Variants in PNPLA2 observed in about 807,000 individuals in gnomAD.
PNPLA2 encodes patatin-like phospholipase domain-containing protein 2.
PNPLA2 carries 28 observed loss-of-function variants against 39.7 expected under a neutral mutation model. The observed-to-expected ratio is 0.70, with a 90% confidence interval of 0.52 to 0.97. The LOEUF (loss-of-function observed/expected upper bound fraction) is 0.97. PNPLA2 is among the 50% of genes least tolerant of loss of function. The pLI, the probability that PNPLA2 is intolerant of heterozygous loss-of-function variation, is 0.00. For synonymous variants in PNPLA2, 392 were observed against 321.1 expected (o/e 1.22, Z -2.36); for missense variants, 768 against 698.2 (o/e 1.10, Z -1.13).
chr11:822,268 A>T, intron 4 of PNPLA2, 129 bp from the exon 5 acceptor site: 1 of 894,760 alleles, frequency 1.1e-6, no homozygotes, highest in Non-Finnish European at 1.8e-6. Flanking sequence ...GCCAGTGCCC[A>T]GTGGGTAAAA....
In PNPLA2 at chr11:824,803, C is replaced by T. The variant is rs1554977196; in HGVS notation, c.1456C>T (p.Pro486Ser). Residue 486 changes from proline to serine, a missense_variant, in exon 10 of 10, where the codon CCC becomes TCC. By Grantham distance (74) the Pro-to-Ser change is moderately conservative. Coordinates refer to ENST00000336615, the MANE Select transcript of PNPLA2 (RefSeq NM_020376.4). The part of the protein sequence containing the change: ...SPQHQLAGPA[P>S]LLSTPAPEAR... ...GCAGCACCAGCTGGCCGGGCCTGCC[C>T]CCTTGCTGAGCACCCCTGCTCCCGA... is the stretch of plus-strand genomic sequence containing the variant. 6.5e-7 allele frequency: 1 copy of T among 1,534,538 alleles called. No individual in the cohort carries two copies. Among genetic ancestry groups the T allele is most frequent in the Non-Finnish European group, 8.7e-7 (1 of 1,146,064 alleles).
rs1845853384 is a variant in PNPLA2, at chr11:825,278, CA to C, written c.*417del. 3.3e-6 allele frequency: 1 copy of C among 299,778 alleles called. No homozygotes were observed. The highest frequency in any genetic ancestry group is 2.3e-5 in the African/African-American group (1 of 42,970). The allele number at this position is 299,778 out of a possible 1,614,324, so 18.6% of individuals were successfully genotyped here. A position where few individuals can be genotyped will look rare whatever the true frequency, so the allele number is the denominator to read the frequency against. ...TTACTTGCAGTGAGAGCCTGGTGGC[CA>C]GGGTCTGGCCCTACCTTGGCTGACC... On this transcript the variant is annotated 3_prime_UTR_variant, in exon 10 of 10. Coordinates refer to ENST00000336615, the MANE Select transcript of PNPLA2 (RefSeq NM_020376.4).
At chr11:819,552 C>G (rs919524231) in intron 1 of PNPLA2, 22 bp from the exon 2 acceptor site, 1 of 1,290,988 alleles carries the variant, frequency 7.7e-7, no homozygotes, top group Non-Finnish European at 9.8e-7. Flanking sequence ...TTAAAAGCGC[C>G]GCCTCCGCGC....
chr11:823,728 G>GC lies in PNPLA2; in HGVS notation c.798dup (p.Ala267ArgfsTer40), dbSNP rs1343828094. On this transcript the variant is annotated frameshift_variant, in exon 7 of 10. Coordinates refer to ENST00000336615, the MANE Select transcript of PNPLA2 (RefSeq NM_020376.4). LOFTEE classifies it high-confidence loss of function. ...ACCGGCCCAACCCCTTGCTGGCGTT[G>GC]CCCCCCGCCCGCCCCCACGGCCCAG... The GC allele has an allele frequency of 8.1e-6, 13 of 1,597,090 alleles. No individual in the cohort carries two copies. Among genetic ancestry groups the GC allele is most frequent in the Admixed American group, 1.7e-5 (1 of 59,470 alleles).
chr11:820,772 A>G (rs1845641347), intron 2 of PNPLA2: 9 of 152,180 alleles, frequency 5.9e-5, no homozygotes, highest in Admixed American at 5.2e-4. Context: ...CCCAATAACT[A>G]GAGCTATTAT....
Position 822,005 on chromosome 11 carries a change from T to G in PNPLA2, c.468T>G (p.Pro156=). ...GFIPVYCGLI[P]PSLQGVRYVD... ...TCCCCGTGTACTGTGGGCTCATCCC[T>G]CCCTCCCTCCAGGGGGTGGTGAGTA... is the stretch of plus-strand genomic sequence containing the variant. Residue 156 remains proline (P), a synonymous_variant, in exon 4 of 10, where the codon CCT becomes CCG. Coordinates refer to ENST00000336615, the MANE Select transcript of PNPLA2 (RefSeq NM_020376.4). 6.2e-7 allele frequency: 1 copy of G among 1,613,686 alleles called. No individual in the cohort carries two copies. Among genetic ancestry groups the G allele is most frequent in the Middle Eastern group, 1.6e-4 (1 of 6,062 alleles).
chr11:824,314 C>T lies in PNPLA2; in HGVS notation c.1053C>T (p.Arg351=). ...PLESALSFTI[R]LLEWLPDVPE... is the part of the protein sequence containing the mutation. ...AACGCGCCGCTCGCCCTGTCCCCAG[C>T]TTGCTGGAGTGGCTGCCCGACGTTC... Residue 351 remains arginine, a splice_region_variant and synonymous_variant, in exon 9 of 10, where the codon CGC becomes CGT. Coordinates refer to ENST00000336615, the MANE Select transcript of PNPLA2 (RefSeq NM_020376.4). 1 of 1,551,280 alleles carries T rather than the reference C, an allele frequency of 6.4e-7. No homozygotes were observed. Among genetic ancestry groups the T allele is most frequent in the Non-Finnish European group, 8.7e-7 (1 of 1,147,726 alleles).
At chr11:819,406 G>A (rs1415336292) in intron 1 of PNPLA2, 168 bp from the exon 2 acceptor site, 9 of 977,152 alleles carry the variant, frequency 9.2e-6, no homozygotes, top group African/African-American at 1.8e-5. Context: ...AGCTTTCTCC[G>A]GGCGGCAGCG....
Position 824,548 on chromosome 11 carries a change from C to T in PNPLA2, c.1201C>T (p.Arg401Cys), listed in dbSNP as rs973794500. 1.0e-5 allele frequency: 16 copies of T among 1,555,840 alleles called. 1 individual carries two copies. The African/African-American group carries it at 1.9e-4, about 18-fold the overall frequency. ...GCTGCCGGAGCAGGTGGAGCTGCGC[C>T]GCGTCCAGTCGCTGCCGTCCGTGCC... is the stretch of plus-strand genomic sequence containing the variant. ...SRLPEQVELR[R>C]VQSLPSVPLS... Residue 401 changes from arginine (R) to cysteine (C), a missense_variant, in exon 10 of 10, where the codon CGC becomes TGC. Transcript: ENST00000336615.
chr11:819,669 A>G lies in PNPLA2; in HGVS notation c.-50A>G, dbSNP rs1845602777. ...CGAGCGAGCGGCGAGCAGGCGGCTC[A>G]CAGAGGCCTGGCCGCCCACGGAACC... is the stretch of plus-strand genomic sequence containing the variant. On this transcript the variant is annotated 5_prime_UTR_variant, in exon 2 of 10. Coordinates refer to ENST00000336615, the MANE Select transcript of PNPLA2 (RefSeq NM_020376.4). The G allele has an allele frequency of 6.9e-7, 1 of 1,446,064 alleles. No individual in the cohort carries two copies. Among genetic ancestry groups the G allele is most frequent in the South Asian group, 1.3e-5 (1 of 76,212 alleles). 89.6% of individuals were successfully genotyped at this position (1,446,064 alleles called of 1,614,324 possible). A position where few individuals can be genotyped will look rare whatever the true frequency, so the allele number is the denominator to read the frequency against.
chr11:819,163 G>A (rs1050153694), intron 1 of PNPLA2, among the ~76,000 whole-genome samples: 8 of 152,244 alleles, frequency 5.3e-5, no homozygotes, highest in African/African-American at 1.9e-4. Flanking sequence ...TTCAGGTCTG[G>A]GGGTGCTGCC....
intron 2 of PNPLA2, 55 bp downstream of exon 2, chr11:819,960 C>A: frequency 9.6e-7 from 1 of 1,044,420 alleles, no homozygotes; most frequent in Non-Finnish European, 1.3e-6. Flanking sequence ...CGTGCGGGGC[C>A]GGGGGATGGT....
intron 4 of PNPLA2, 38 bp from the exon 5 acceptor site, chr11:822,359 G>T (rs143354488): frequency 1.3e-6 from 2 of 1,578,240 alleles, no homozygotes; most frequent in East Asian, 2.2e-5. Context: ...GCAGCCACAG[G>T]CCCTCACATA....
chr11:823,571 C>A lies in PNPLA2; in HGVS notation c.741C>A (p.Arg247=). 1 of 1,610,424 alleles carries A rather than the reference C, an allele frequency of 6.2e-7. No homozygotes were observed. The highest frequency in any genetic ancestry group is 8.5e-7 in the Non-Finnish European group (1 of 1,178,692). The change falls in exon 6 of 10, where the codon CGC becomes CGA. Residue 247 remains arginine, a synonymous_variant. Coordinates refer to ENST00000336615, the MANE Select transcript of PNPLA2 (RefSeq NM_020376.4). ...MCKQGYRDGL[R]FLQRNGLLNR... is the part of the protein sequence containing the mutation. ...AGCAGGGATACCGGGATGGCCTGCG[C>A]TTTCTGCAGCGGAACGGTGCGCGGA...
intron 9 of PNPLA2, 41 bp downstream of exon 9, chr11:824,477 T>C (rs1386891005): frequency 6.5e-7 from 1 of 1,546,458 alleles, no homozygotes; most frequent in Non-Finnish European, 8.7e-7. Context: ...CCCGCGGTGC[T>C]AGCGCCGGGA....
Position 819,791 on chromosome 11 carries a change from G to A in PNPLA2, c.73G>A (p.Val25Met), listed in dbSNP as rs867672768. 2.0e-6 allele frequency: 3 copies of A among 1,512,748 alleles called. No individual in the cohort carries two copies. Among genetic ancestry groups the A allele is most frequent in the Admixed American group, 2.1e-5 (1 of 48,308 alleles). The allele number at this position is 1,512,748 out of a possible 1,614,324, so 93.7% of individuals were successfully genotyped here. A position where few individuals can be genotyped will look rare whatever the true frequency, so the allele number is the denominator to read the frequency against. ...CTTCCTCGGCGTCTACTACGTCGGCGTGGCCTCCTGCCTCCGCGAGCACGC... is the reference window on the plus strand; with the variant it reads ...CTTCCTCGGCGTCTACTACGTCGGCATGGCCTCCTGCCTCCGCGAGCACGC... The part of the protein sequence containing the change: ...CGFLGVYYVG[V>M]ASCLREHAPF... The change falls in exon 2 of 10, where the codon GTG (valine) becomes ATG (methionine). Residue 25 changes from valine (V) to methionine (M), a missense_variant. Transcript: ENST00000336615.
In PNPLA2 at chr11:824,831, C is replaced by A. The variant is rs761924298; in HGVS notation, c.1484C>A (p.Ala495Asp). The A allele has an allele frequency of 2.7e-5, 41 of 1,534,446 alleles. No individual in the cohort carries two copies. The highest frequency in any genetic ancestry group is 3.3e-5 in the Non-Finnish European group (38 of 1,146,100). ...TTGCTGAGCACCCCTGCTCCCGAGGCCCGGCCCGTGATCGGGGCCCTGGGG... is the reference window on the plus strand; with the variant it reads ...TTGCTGAGCACCCCTGCTCCCGAGGACCGGCCCGTGATCGGGGCCCTGGGG... ...APLLSTPAPE[A>D]RPVIGALGL Residue 495 changes from alanine to aspartate, a missense_variant, in exon 10 of 10, where the codon GCC becomes GAC. Transcript: ENST00000336615.
chr11:822,697 G>C lies in PNPLA2; in HGVS notation c.696+91G>C, dbSNP rs12270408. The C allele has an allele frequency of 1.6e-4, 182 of 1,128,920 alleles. 1 individual carries two copies. In the African/African-American group the frequency reaches 2.4e-3, roughly 15 times the overall value. The allele number at this position is 1,128,920 out of a possible 1,614,324, so 69.9% of individuals were successfully genotyped here. On this transcript the variant is annotated intron_variant, in intron 5 of 9. Coordinates refer to ENST00000336615, the MANE Select transcript of PNPLA2 (RefSeq NM_020376.4). Reference sequence around the variant, plus strand: ...TGATCCTTTGACTTCTGAGTGCCCAGGGTAGGGTGGTGGGAGCCTCTTCTG... The same window carrying C: ...TGATCCTTTGACTTCTGAGTGCCCACGGTAGGGTGGTGGGAGCCTCTTCTG...
intron 5 of PNPLA2, among the ~76,000 whole-genome samples, chr11:823,318 A>G (rs1163644907): frequency 6.6e-6 from 1 of 152,010 alleles, no homozygotes; most frequent in Non-Finnish European, 1.5e-5. Context: ...CAGCCTCCCA[A>G]AGTGCTGGGG....
Sources: allele counts gnomAD v4.1 joint callset (sites outside exome capture counted in the v4.1 genomes callset), GRCh38; gene constraint gnomAD v4.1.1; transcripts MANE v1.5; gene names NCBI Gene and HGNC (gene_info 2026-07-23, HGNC 2026-07-21).